Variants in BUB1B observed in about 807,000 individuals in gnomAD.
BUB1B encodes the protein mitotic checkpoint serine/threonine-protein kinase BUB1 beta.
Under a neutral mutation model 137.7 loss-of-function variants are expected in BUB1B, and 86 were observed. That is an observed-to-expected ratio of 0.62 (90% CI 0.52 to 0.75). The LOEUF is 0.75. Ranked by LOEUF, BUB1B falls within the 30% of genes least tolerant of loss-of-function variation. The pLI is 0.00. For synonymous variants in BUB1B, 420 were observed against 417.9 expected, an observed-to-expected ratio of 1.00 and a Z score of -0.06; for missense variants, 1,130 against 1,236.9, an observed-to-expected ratio of 0.91 and a Z score of 1.30.
chr15:40,172,652 G>A (rs1480089648), intron 4 of BUB1B, among the ~76,000 whole-genome samples: 1 of 150,162 alleles, frequency 6.7e-6, no homozygotes, highest in Non-Finnish European at 1.5e-5. Context: ...GGCAGAGATG[G>A]AAGAAAATCT....
rs530006163 is a variant in BUB1B, at chr15:40,211,831, T to G, written c.2386-668T>G. 6.1e-4 allele frequency among the ~76,000 whole-genome samples: 92 copies of G among 151,642 alleles called. 1 individual carries two copies. Among genetic ancestry groups the G allele is most frequent in the Non-Finnish European group, 1.0e-3 (71 of 67,820 alleles). On this transcript the variant is annotated intron_variant, in intron 18 of 22. Transcript: ENST00000287598. Reference sequence around the variant, plus strand: ...CTACCTTCCTGTTTTTTTGTTTTTTTTTTTCTTCGAGACGGAGTTTTGCTC... The same window carrying G: ...CTACCTTCCTGTTTTTTTGTTTTTTGTTTTCTTCGAGACGGAGTTTTGCTC...
At chr15:40,173,295 T>TAAAAAAA (rs61078619) in intron 4 of BUB1B, among the ~76,000 whole-genome samples, 4 of 85,894 alleles carry the variant, frequency 4.7e-5, no homozygotes, top group South Asian at 4.5e-4. Flanking sequence ...GAAAAAAAGA[T>TAAAAAAA]AAAAAAAAAA....
Position 40,206,325 on chromosome 15 carries a change from A to T in BUB1B, c.1876A>T (p.Met626Leu). Residue 626 changes from methionine to leucine, a missense_variant, in exon 15 of 23, where the codon ATG becomes TTG. Physicochemically the swap from Met to Leu is conservative, Grantham distance 15. Transcript: ENST00000287598. ...TGTATCCACTCCTTTTCATGAGATA[A>T]TGTCCTTGAAGGATCTCCCTTCTGA... ...RFVSTPFHEI[M>L]SLKDLPSDPE... 6.2e-7 allele frequency: 1 copy of T among 1,614,192 alleles called. No individual in the cohort carries two copies. Among genetic ancestry groups the T allele is most frequent in the Non-Finnish European group, 8.5e-7 (1 of 1,180,040 alleles).
At chr15:40,209,038 G>C (rs929237726) in intron 16 of BUB1B, among the ~76,000 whole-genome samples, 3 of 152,078 alleles carry the variant, frequency 2.0e-5, no homozygotes, top group Admixed American at 6.5e-5. Context: ...CAAACTCCTG[G>C]CCTCAAAGGA....
chr15:40,220,192 G>A (rs538593177), intron 22 of BUB1B, among the ~76,000 whole-genome samples: 2 of 152,314 alleles, frequency 1.3e-5, no homozygotes, highest in African/African-American at 2.4e-5. Context: ...ATCCACTACT[G>A]GGGTAGGAGA....
At position 40,210,211 on chromosome 15, in the gene BUB1B, G is replaced by A; in HGVS notation, c.2385+1G>A. ...CTCTGCAGAATTAACAGTAATAAAG[G>A]TGGGACTGATTCTTTATAATTTCAG... On this transcript the variant is annotated splice_donor_variant, in intron 18 of 22. Transcript: ENST00000287598. LOFTEE classifies it high-confidence loss of function. 6.3e-7 allele frequency: 1 copy of A among 1,583,844 alleles called. No homozygotes were observed. Among genetic ancestry groups the A allele is most frequent in the South Asian group, 1.1e-5 (1 of 90,472 alleles).
intron 9 of BUB1B, among the ~76,000 whole-genome samples, chr15:40,197,688 C>G (rs1401322368): frequency 1.3e-5 from 2 of 152,118 alleles, no homozygotes; most frequent in Non-Finnish European, 2.9e-5. Context: ...TTTCTGAGTT[C>G]CAGGTGACAA....
In BUB1B at chr15:40,220,892, C is replaced by T. The variant is rs1010314110; in HGVS notation, c.*133C>T. 7 of 979,408 alleles carry T rather than the reference C, an allele frequency of 7.1e-6. No individual in the cohort carries two copies. The highest frequency in any genetic ancestry group is 6.5e-5 in the African/African-American group (4 of 61,726). The allele number at this position is 979,408 out of a possible 1,614,324, so 60.7% of individuals were successfully genotyped here. ...ACCATTGCTGTTCTACTTTTTGGTA[C>T]AGGTATATTTTGACGTCACTGATAT... On this transcript the variant is annotated 3_prime_UTR_variant, in exon 23 of 23. Transcript: ENST00000287598.
intron 6 of BUB1B, 102 bp downstream of exon 6, chr15:40,183,985 T>C: frequency 7.8e-7 from 1 of 1,279,626 alleles, no homozygotes; most frequent in Non-Finnish European, 1.1e-6. Flanking sequence ...TCTAGTTTGC[T>C]GAATACTGAG....
chr15:40,202,721 G>C, intron 14 of BUB1B, 27 bp downstream of exon 14: 1 of 1,561,008 alleles, frequency 6.4e-7, no homozygotes. Context: ...TTAAGTTAAT[G>C]TAAATGGGCT....
chr15:40,179,961 A>C (rs1263163034), intron 5 of BUB1B, among the ~76,000 whole-genome samples: 2 of 109,818 alleles, frequency 1.8e-5, no homozygotes, highest in Admixed American at 1.8e-4. Context: ...TTTTGCTTTC[A>C]AAAGCCATAT....
At chr15:40,206,541 A>G (rs552333485) in intron 15 of BUB1B, 83 bp downstream of exon 15, 1 of 1,568,734 alleles carries the variant, frequency 6.4e-7, no homozygotes, top group East Asian at 2.2e-5. Flanking sequence ...GTAATCAGTT[A>G]TCAAGTTCTT....
chr15:40,189,444 G>C (rs2037410423), intron 8 of BUB1B, among the ~76,000 whole-genome samples: 1 of 152,238 alleles, frequency 6.6e-6, no homozygotes, highest in African/African-American at 2.4e-5. Flanking sequence ...ATAGGCGTGA[G>C]CCACTGCGTC....
At chr15:40,175,284 G>A (rs2037212110) in intron 4 of BUB1B, among the ~76,000 whole-genome samples, 1 of 152,122 alleles carries the variant, frequency 6.6e-6, no homozygotes, top group Admixed American at 6.5e-5. Flanking sequence ...AGCTCTATTA[G>A]ATGAAACATG....
In BUB1B at chr15:40,210,185, ACT is replaced by A. The variant is rs756459860; in HGVS notation, c.2363_2364del (p.Ser788CysfsTer29). The A allele has an allele frequency of 5.6e-6, 9 of 1,608,336 alleles. No homozygotes were observed. The highest frequency in any genetic ancestry group is 2.2e-5 in the East Asian group (1 of 44,810). ...AAGTTATTCTGGGTGGCGCCAAGAA[ACT>A]CTGCAGAATTAACAGTAATAAAGGT... On this transcript the variant is annotated frameshift_variant, in exon 18 of 23. Coordinates refer to ENST00000287598, the MANE Select transcript of BUB1B (RefSeq NM_001211.6). LOFTEE classifies it high-confidence loss of function.
intron 8 of BUB1B, among the ~76,000 whole-genome samples, chr15:40,194,455 A>G (rs2037474471): frequency 6.6e-6 from 1 of 152,150 alleles, no homozygotes; most frequent in Non-Finnish European, 1.5e-5. Context: ...ATGAAGTATG[A>G]TGTTAGTGTG....
At chr15:40,163,331 C>A in intron 1 of BUB1B, among the ~76,000 whole-genome samples, 1 of 152,222 alleles carries the variant, frequency 6.6e-6, no homozygotes, top group Non-Finnish European at 1.5e-5. Flanking sequence ...CCCAGCACTT[C>A]GGGAGGCTGA....
chr15:40,183,197 T>C lies in BUB1B; in HGVS notation c.582-517T>C, dbSNP rs376770533. ...AGCATAGGAAGTTTACTTTTCAAAC[T>C]TCTGCCAGCTTTGCTAAAGTACAAT... On this transcript the variant is annotated intron_variant, in intron 5 of 22. Coordinates refer to ENST00000287598, the MANE Select transcript of BUB1B (RefSeq NM_001211.6). Among the ~76,000 whole-genome samples the C allele has an allele frequency of 3.3e-5, 5 of 152,226 alleles. No homozygotes were observed. The South Asian group carries it at 1.0e-3, about 32-fold the overall frequency.
intron 5 of BUB1B, among the ~76,000 whole-genome samples, chr15:40,177,648 A>G (rs2037238011): frequency 6.6e-6 from 1 of 152,082 alleles, no homozygotes; most frequent in South Asian, 2.1e-4. Context: ...AAGTCTAGAA[A>G]TCAGATAAAA....
Sources: gnomAD v4.1 joint callset for allele counts (sites outside exome capture counted in the v4.1 genomes callset) on GRCh38, gnomAD v4.1.1 for gene constraint, MANE v1.5 for transcripts, NCBI Gene and HGNC (gene_info 2026-07-23, HGNC 2026-07-21) for gene names.